SH3BGRL: variants seen among roughly 807,000 people sequenced by gnomAD.
SH3BGRL encodes adapter SH3BGRL.
SH3BGRL carries 7 observed loss-of-function variants against 9.8 expected under a neutral mutation model. That is an observed-to-expected ratio of 0.72 (90% CI 0.41 to 1.35). The LOEUF (loss-of-function observed/expected upper bound fraction) is 1.35. Among genes scored for constraint, SH3BGRL ranks in the 40% most tolerant of loss-of-function variants. The probability of loss-of-function intolerance (pLI) is 0.01; values close to 1 mark genes in which losing one functional copy is unlikely to be tolerated. For synonymous variants in SH3BGRL, 36 were observed against 29.1 expected (o/e 1.24, Z -0.76); for missense variants, 73 against 84.4 (o/e 0.86, Z 0.53).
intron 3 of SH3BGRL, 111 bp from the exon 4 acceptor site, chrX:81,297,084 G>T: frequency 1.9e-6 from 1 of 520,036 alleles, no homozygotes; most frequent in Non-Finnish European, 3.1e-6. Flanking sequence ...TCTCTTCTGG[G>T]GGCTTTTGTT....
intron 3 of SH3BGRL, among the ~76,000 whole-genome samples, chrX:81,282,661 C>G (rs906126527): frequency 9.0e-6 from 1 of 111,650 alleles, no homozygotes; most frequent in African/African-American, 3.3e-5. Context: ...ATCAAAACCT[C>G]TGGGATACAG....
intron 1 of SH3BGRL, among the ~76,000 whole-genome samples, chrX:81,276,033 CTT>C (rs985197971): frequency 9.0e-6 from 1 of 110,860 alleles, no homozygotes; most frequent in Admixed American, 9.6e-5. Flanking sequence ...CTCCATGTGT[CTT>C]TATTTTAATG....
At chrX:81,272,747 C>T (rs1377088141) in intron 1 of SH3BGRL, among the ~76,000 whole-genome samples, 1 of 110,780 alleles carries the variant, frequency 9.0e-6, no homozygotes, top group African/African-American at 3.3e-5. Context: ...TATCCGCCCG[C>T]CTCGGCTTCC....
At chrX:81,276,871 A>G (rs1411624054) in intron 1 of SH3BGRL, 113 bp from the exon 2 acceptor site, 2 of 615,458 alleles carry the variant, frequency 3.2e-6, no homozygotes, top group Non-Finnish European at 5.0e-6. Context: ...TGAAAATCAT[A>G]TAACTTCTGT....
At chrX:81,261,172 G>T (rs897702717) in intron 1 of SH3BGRL, among the ~76,000 whole-genome samples, 2 of 111,316 alleles carry the variant, frequency 1.8e-5, no homozygotes, top group African/African-American at 6.5e-5. Context: ...TAGAGTTAGG[G>T]ATATCTAAGT....
chrX:81,205,900 T>A (rs896648244), intron 1 of SH3BGRL, among the ~76,000 whole-genome samples: 4 of 111,446 alleles, frequency 3.6e-5, no homozygotes, highest in Non-Finnish European at 7.5e-5. Context: ...GTAATAGCCA[T>A]TTTAATTGGA....
intron 1 of SH3BGRL, among the ~76,000 whole-genome samples, chrX:81,221,068 A>G (rs1343662671): frequency 9.0e-6 from 1 of 111,643 alleles, no homozygotes; most frequent in Non-Finnish European, 1.9e-5. Flanking sequence ...CTATGTGCTG[A>G]GGAGAAGAAT....
At chrX:81,293,237 T>C in intron 3 of SH3BGRL, among the ~76,000 whole-genome samples, 1 of 112,467 alleles carries the variant, frequency 8.9e-6, no homozygotes. Context: ...CCCCATGATT[T>C]TGAGGCCTCC....
chrX:81,244,687 T>C (rs1185098780), intron 1 of SH3BGRL, among the ~76,000 whole-genome samples: 1 of 111,404 alleles, frequency 9.0e-6, no homozygotes, highest in African/African-American at 3.3e-5. Context: ...CTCAGACACA[T>C]GTGCAGAATG....
At chrX:81,264,099 G>A (rs1158055484) in intron 1 of SH3BGRL, among the ~76,000 whole-genome samples, 1 of 109,504 alleles carries the variant, frequency 9.1e-6, no homozygotes, top group Non-Finnish European at 1.9e-5. Flanking sequence ...ATAATAACTA[G>A]GAATTCATGT....
At chrX:81,270,930 A>G (rs1343775075) in intron 1 of SH3BGRL, among the ~76,000 whole-genome samples, 4 of 111,635 alleles carry the variant, frequency 3.6e-5, no homozygotes, top group Admixed American at 2.8e-4. Flanking sequence ...TGAGCATGGA[A>G]CTGCCTACTC....
intron 3 of SH3BGRL, among the ~76,000 whole-genome samples, chrX:81,293,314 T>C (rs1207872251): frequency 2.7e-5 from 3 of 111,758 alleles, no homozygotes; most frequent in Non-Finnish European, 5.6e-5. Context: ...GGTATGCCTT[T>C]GTCAGCAGGG....
chrX:81,286,897 A>G (rs1396711601), intron 3 of SH3BGRL, among the ~76,000 whole-genome samples: 1 of 111,494 alleles, frequency 9.0e-6, no homozygotes, highest in Non-Finnish European at 1.9e-5. Flanking sequence ...AAATTCACAT[A>G]TTTGATATAT....
intron 1 of SH3BGRL, among the ~76,000 whole-genome samples, chrX:81,225,853 TGTTG>T (rs1017380126): frequency 1.8e-5 from 2 of 111,957 alleles, no homozygotes; most frequent in Non-Finnish European, 3.8e-5. Context: ...TTGACCTAAG[TGTTG>T]GCAGTACATT....
chrX:81,234,130 G>A (rs756512010), intron 1 of SH3BGRL, among the ~76,000 whole-genome samples: 11 of 111,039 alleles, frequency 9.9e-5, no homozygotes, highest in Non-Finnish European at 1.9e-4. Flanking sequence ...AGGCTATCTC[G>A]AGCAAGTTGC....
intron 1 of SH3BGRL, among the ~76,000 whole-genome samples, chrX:81,265,471 G>T (rs986532226): frequency 9.0e-6 from 1 of 110,696 alleles, no homozygotes; most frequent in Non-Finnish European, 1.9e-5. Context: ...TTGGTTTTCT[G>T]ATCTTGTGAT....
chrX:81,256,730 T>G (rs1341049768), intron 1 of SH3BGRL, among the ~76,000 whole-genome samples: 4 of 112,394 alleles, frequency 3.6e-5, no homozygotes, highest in East Asian at 5.6e-4. Flanking sequence ...CTATATTGCT[T>G]TCTTTAAACA....
chrX:81,251,222 A>C (rs2075709336), intron 1 of SH3BGRL, among the ~76,000 whole-genome samples: 1 of 111,978 alleles, frequency 8.9e-6, no homozygotes, highest in African/African-American at 3.2e-5. Flanking sequence ...AATGCTGGAA[A>C]ATGTATTAGA....
chrX:81,234,617 T>A (rs1326396322), intron 1 of SH3BGRL, among the ~76,000 whole-genome samples: 1 of 112,227 alleles, frequency 8.9e-6, no homozygotes, highest in Non-Finnish European at 1.9e-5. Flanking sequence ...ATGGAAATTT[T>A]AAAGTTCTTA....
Sources: allele counts gnomAD v4.1 joint callset (sites outside exome capture counted in the v4.1 genomes callset), GRCh38; gene constraint gnomAD v4.1.1; transcripts MANE v1.5; gene names NCBI Gene and HGNC (gene_info 2026-07-23, HGNC 2026-07-21).